The following FHIT variants were observed in gnomAD, a reference collection of about 807,000 sequenced individuals.
The protein encoded by FHIT is fragile histidine triad diadenosine triphosphatase, also known as bis(5'-adenosyl)-triphosphatase.
A neutral mutation model predicts 17.9 loss-of-function variants in FHIT; 19 were observed. The observed-to-expected ratio is 1.06, with a 90% confidence interval of 0.74 to 1.56. FHIT has a LOEUF of 1.56. Ranked by LOEUF, FHIT falls within the 40% of genes most tolerant of loss-of-function variation. The pLI, the probability that FHIT is intolerant of heterozygous loss-of-function variation, is 0.00. For synonymous variants in FHIT, 81 were observed against 69.7 expected, an observed-to-expected ratio of 1.16 and a Z score of -0.81; for missense variants, 248 against 189.2, an observed-to-expected ratio of 1.31 and a Z score of -1.82.
At chr3:60,760,164 T>C (rs1287372062) in intron 4 of FHIT, among the ~76,000 whole-genome samples, 1 of 152,166 alleles carries the variant, frequency 6.6e-6, no homozygotes, top group Non-Finnish European at 1.5e-5. Flanking sequence ...CCTCTCAGAA[T>C]TGTCTAGTAG....
intron 5 of FHIT, among the ~76,000 whole-genome samples, chr3:60,195,553 A>ATATATATATATATATATT (rs148013554): frequency 0.013 from 1,761 of 136,470 alleles, 22 homozygotes; most frequent in African/African-American, 0.027. Flanking sequence ...TGTGATATAT[A>ATATATATATATATATATT]TATATATTTA....
intron 3 of FHIT, among the ~76,000 whole-genome samples, chr3:60,895,630 T>G (rs1397674195): frequency 2.0e-5 from 3 of 151,882 alleles, no homozygotes; most frequent in African/African-American, 7.3e-5. Context: ...CTGCCCTTTC[T>G]CCCTTCTTTC....
intron 5 of FHIT, among the ~76,000 whole-genome samples, chr3:60,177,281 G>A (rs1701722437): frequency 6.7e-6 from 1 of 148,762 alleles, no homozygotes; most frequent in Non-Finnish European, 1.5e-5. Flanking sequence ...AAAAAAAAAA[G>A]CTAGAAGAAG....
chr3:60,744,269 A>AAAAAAAAAAAAAAAAAC (rs2042306809), intron 4 of FHIT, among the ~76,000 whole-genome samples: 3 of 16,052 alleles, frequency 1.9e-4, no homozygotes, highest in African/African-American at 4.7e-4. Flanking sequence ...AAAACAAAAC[A>AAAAAAAAAAAAAAAAAC]AAAAAAAAAA....
At chr3:60,352,181 C>T (rs6789978) in intron 5 of FHIT, among the ~76,000 whole-genome samples, 21,547 of 152,098 alleles carry the variant, frequency 0.14, 1,619 homozygotes, top group Non-Finnish European at 0.16. Context: ...TTACTAGAGG[C>T]TGCATAAGAG....
intron 8 of FHIT, among the ~76,000 whole-genome samples, chr3:59,782,728 T>C (rs12490126): frequency 0.27 from 40,329 of 152,052 alleles, 5,777 homozygotes; most frequent in East Asian, 0.47. Flanking sequence ...CACAAGGAGA[T>C]AAATGTCTCA....
rs373141796 is a variant in FHIT at position 60,930,692 on chromosome 3, G to A, written c.-110-108681C>T. ...ACCATCTCACACCAGTTAGAATGGCGATCATTAAAAAGTCAGGAAACAACA... is the reference window on the plus strand; with the variant it reads ...ACCATCTCACACCAGTTAGAATGGCAATCATTAAAAAGTCAGGAAACAACA... On this transcript the variant is annotated intron_variant, in intron 3 of 9. Transcript: ENST00000492590. Among the ~76,000 whole-genome samples, 29 of 152,178 alleles carry A rather than the reference G, an allele frequency of 1.9e-4. No homozygotes were observed. In the East Asian group the frequency reaches 2.1e-3, roughly 11 times the overall value.
chr3:60,623,073 C>A (rs554624327), intron 4 of FHIT, among the ~76,000 whole-genome samples: 2 of 152,294 alleles, frequency 1.3e-5, no homozygotes, highest in Non-Finnish European at 2.9e-5. Flanking sequence ...GAGATTTTTG[C>A]CTGTCTTGTT....
chr3:59,907,126 A>C (rs2107115944), intron 8 of FHIT, among the ~76,000 whole-genome samples: 1 of 152,352 alleles, frequency 6.6e-6, no homozygotes, highest in East Asian at 1.9e-4. Context: ...CCATAGTCTC[A>C]TTAGCCACAG....
chr3:59,896,786 G>A (rs948046488), intron 8 of FHIT, among the ~76,000 whole-genome samples: 1 of 152,082 alleles, frequency 6.6e-6, no homozygotes, highest in African/African-American at 2.4e-5. Flanking sequence ...AAATAATTAA[G>A]GTATTTAATA....
intron 5 of FHIT, among the ~76,000 whole-genome samples, chr3:60,377,937 T>C (rs1576565675): frequency 6.6e-6 from 1 of 152,174 alleles, no homozygotes; most frequent in African/African-American, 2.4e-5. Flanking sequence ...ATTAGGACAA[T>C]TAATGAATGG....
At chr3:59,937,982 C>CAATTCT (rs1208307599) in intron 7 of FHIT, among the ~76,000 whole-genome samples, 1 of 152,102 alleles carries the variant, frequency 6.6e-6, no homozygotes, top group African/African-American at 2.4e-5. Flanking sequence ...CAGCATGGGG[C>CAATTCT]AAATCTCAAC....
At chr3:60,381,984 A>T (rs1303979920) in intron 5 of FHIT, among the ~76,000 whole-genome samples, 1 of 150,230 alleles carries the variant, frequency 6.7e-6, no homozygotes, top group East Asian at 2.0e-4. Context: ...TAAATTAAAA[A>T]TTCCATTCCT....
chr3:59,924,180 T>C (rs1340031042), intron 7 of FHIT, among the ~76,000 whole-genome samples: 1 of 151,900 alleles, frequency 6.6e-6, no homozygotes, highest in Non-Finnish European at 1.5e-5. Context: ...ACCAGGAAAA[T>C]AACGTAGAAC....
chr3:60,191,534 A>C (rs1450034391), intron 5 of FHIT, among the ~76,000 whole-genome samples: 1 of 152,228 alleles, frequency 6.6e-6, no homozygotes, highest in Non-Finnish European at 1.5e-5. Context: ...CGTAGTGATT[A>C]GAAGGGCATA....
At chr3:61,196,446 T>A (rs1469039344) in intron 2 of FHIT, among the ~76,000 whole-genome samples, 1 of 152,210 alleles carries the variant, frequency 6.6e-6, no homozygotes, top group Non-Finnish European at 1.5e-5. Context: ...AAAGATATAA[T>A]ATCTCCAACT....
intron 5 of FHIT, among the ~76,000 whole-genome samples, chr3:60,206,149 A>AAATAATAATAATAAT (rs1041282613): frequency 1.1e-5 from 1 of 94,140 alleles, no homozygotes; most frequent in Non-Finnish European, 2.1e-5. Context: ...AAAAAAAAAT[A>AAATAATAATAATAAT]AATAATAATA....
chr3:61,144,854 A>G (rs2037182913), intron 2 of FHIT, among the ~76,000 whole-genome samples: 1 of 152,128 alleles, frequency 6.6e-6, no homozygotes, highest in Admixed American at 6.5e-5. Flanking sequence ...CTTCTTTGGG[A>G]AAATGCCTAT....
chr3:60,085,458 A>T (rs1223774001), intron 5 of FHIT, among the ~76,000 whole-genome samples: 1 of 152,294 alleles, frequency 6.6e-6, no homozygotes, highest in East Asian at 1.9e-4. Flanking sequence ...ATGTGTATAT[A>T]TTCCAAGATG....
Sources: gnomAD v4.1 joint callset for allele counts (sites outside exome capture counted in the v4.1 genomes callset) on GRCh38, gnomAD v4.1.1 for gene constraint, MANE v1.5 for transcripts, NCBI Gene and HGNC (gene_info 2026-07-23, HGNC 2026-07-21) for gene names.